The following RPH3A variants were observed in gnomAD, a reference collection of about 807,000 sequenced individuals.
The protein encoded by RPH3A is rabphilin-3A.
In RPH3A, 48 loss-of-function variants were observed where a neutral mutation model predicts 102.2. The ratio of observed to expected loss-of-function variants is 0.47; its 90% CI spans 0.37 to 0.60. The LOEUF is 0.60. Ranked by LOEUF, RPH3A falls within the 20% of genes least tolerant of loss-of-function variation. The probability of loss-of-function intolerance (pLI) is 0.00; values close to 1 mark genes in which losing one functional copy is unlikely to be tolerated. For missense variants in RPH3A, 781 were observed against 910.1 expected, an observed-to-expected ratio of 0.86 and a Z score of 1.83; for synonymous variants, 310 against 324.3, an observed-to-expected ratio of 0.96 and a Z score of 0.47.
chr12:112,631,704 T>G (rs78002440), intron 1 of RPH3A, among the ~76,000 whole-genome samples: 6 of 151,884 alleles, frequency 4.0e-5, no homozygotes, highest in African/African-American at 1.5e-4. Context: ...AATTTTTTTT[T>G]GTAGAGATGG....
chr12:112,788,978 G>A (rs111774774), upstream of RPH3A, among the ~76,000 whole-genome samples: 1 of 152,208 alleles, frequency 6.6e-6, no homozygotes, highest in Non-Finnish European at 1.5e-5. Context: ...GACCAACATG[G>A]CGAAACCCCG....
At chr12:112,609,696 A>G (rs2039623504) in intron 1 of RPH3A, among the ~76,000 whole-genome samples, 1 of 152,114 alleles carries the variant, frequency 6.6e-6, no homozygotes, top group Non-Finnish European at 1.5e-5. Flanking sequence ...TAGAGTCAGC[A>G]CCTGTCAACA....
At position 112,887,823 on chromosome 12, in the gene RPH3A, T is replaced by G; in HGVS notation, c.1463T>G (p.Phe488Cys). 1.2e-6 allele frequency: 2 copies of G among 1,613,844 alleles called. No homozygotes were observed. The highest frequency in any genetic ancestry group is 1.7e-6 in the Non-Finnish European group (2 of 1,179,816). The change falls in exon 17 of 22, where the codon TTT becomes TGT. Residue 488 changes from phenylalanine to cysteine, a missense_variant. Physicochemically the swap from Phe to Cys is radical, Grantham distance 205 (BLOSUM62 -2). This residue lies in a region of RPH3A where 730 missense variants were observed against 810.0 expected (regional missense o/e 0.90). Transcript: ENST00000389385. ...LRISVCDEDK[F>C]GHNEFIGETR... is the part of the protein sequence containing the mutation. ...ATCTCCGTCTGTGATGAGGACAAAT[T>G]TGGCCACAATGAATTTATTGGTGAG...
intron 1 of RPH3A, among the ~76,000 whole-genome samples, chr12:112,590,303 T>C (rs191702263): frequency 6.6e-6 from 1 of 152,284 alleles, no homozygotes; most frequent in South Asian, 2.1e-4. Context: ...TGTGGCTGTT[T>C]CCACTGAGCT....
At chr12:112,846,389 T>C (rs1378605456) in intron 4 of RPH3A, among the ~76,000 whole-genome samples, 1 of 152,150 alleles carries the variant, frequency 6.6e-6, no homozygotes, top group Non-Finnish European at 1.5e-5. Flanking sequence ...TCCACCAGAA[T>C]TTCCCCAGGC....
At chr12:112,809,129 CTG>C (rs1340879281) in intron 2 of RPH3A, among the ~76,000 whole-genome samples, 5 of 152,178 alleles carry the variant, frequency 3.3e-5, no homozygotes, top group Non-Finnish European at 7.3e-5. Flanking sequence ...ATGTTGGCAT[CTG>C]TATAATGGAC....
chr12:112,714,185 A>G (rs2040499248), intron 1 of RPH3A, among the ~76,000 whole-genome samples: 1 of 152,156 alleles, frequency 6.6e-6, no homozygotes, highest in Non-Finnish European at 1.5e-5. Flanking sequence ...CCTCCTAGAT[A>G]TTGCAGACCC....
chr12:112,722,170 C>T (rs1758268816), intron 1 of RPH3A, among the ~76,000 whole-genome samples: 1 of 152,208 alleles, frequency 6.6e-6, no homozygotes, highest in South Asian at 2.1e-4. Context: ...GCTCATTAGG[C>T]TTGGATTTTT....
At chr12:112,865,148 A>G (rs1255715635) in intron 5 of RPH3A, among the ~76,000 whole-genome samples, 4 of 152,202 alleles carry the variant, frequency 2.6e-5, no homozygotes, top group Non-Finnish European at 5.9e-5. Context: ...GTGACAGAAG[A>G]TAGAAAGGAC....
intron 1 of RPH3A, among the ~76,000 whole-genome samples, chr12:112,592,571 G>A (rs763487888): frequency 5.7e-4 from 86 of 152,172 alleles, no homozygotes; most frequent in African/African-American, 1.9e-3. Flanking sequence ...TGCCCGCCTT[G>A]GCCTTCCAAA....
At chr12:112,810,776 C>T (rs1451185845) in intron 2 of RPH3A, among the ~76,000 whole-genome samples, 1 of 152,148 alleles carries the variant, frequency 6.6e-6, no homozygotes, top group Admixed American at 6.5e-5. Flanking sequence ...AAATAGATAA[C>T]AGCCTAAATT....
chr12:112,874,433 A>G (rs1046060302), intron 10 of RPH3A, among the ~76,000 whole-genome samples: 3 of 152,224 alleles, frequency 2.0e-5, no homozygotes, highest in Non-Finnish European at 4.4e-5. Flanking sequence ...ATTAGTAGAA[A>G]TTAAAGAAGT....
intron 1 of RPH3A, among the ~76,000 whole-genome samples, chr12:112,677,539 A>T (rs928174038): frequency 6.9e-6 from 1 of 145,844 alleles, no homozygotes; most frequent in Admixed American, 7.0e-5. Context: ...GCATCAAATG[A>T]TCCACCCGCC....
chr12:112,819,921 T>A (rs769671056), intron 2 of RPH3A, among the ~76,000 whole-genome samples: 4 of 152,364 alleles, frequency 2.6e-5, no homozygotes, highest in Non-Finnish European at 4.4e-5. Context: ...ATGCATCACA[T>A]CTTCTACTGT....
intron 1 of RPH3A, among the ~76,000 whole-genome samples, chr12:112,675,446 C>T (rs2136012204): frequency 6.6e-6 from 1 of 152,288 alleles, no homozygotes; most frequent in African/African-American, 2.4e-5. Flanking sequence ...TTTGGCCAGA[C>T]AACCATATAA....
chr12:112,774,280 G>A (rs2040949350), intron 1 of RPH3A, among the ~76,000 whole-genome samples: 1 of 152,146 alleles, frequency 6.6e-6, no homozygotes, highest in Non-Finnish European at 1.5e-5. Context: ...AGGTTGGAAC[G>A]AATGGGGAAT....
At chr12:112,781,861 T>A (rs73425005) in intron 1 of RPH3A, among the ~76,000 whole-genome samples, 5,364 of 152,360 alleles carry the variant, frequency 0.035, 293 homozygotes, top group African/African-American at 0.12. Context: ...CAGGTCTTCC[T>A]GTTCAAAGAG....
upstream of RPH3A, among the ~76,000 whole-genome samples, chr12:112,790,571 G>C (rs1342817435): frequency 1.3e-5 from 2 of 152,120 alleles, no homozygotes; most frequent in Non-Finnish European, 2.9e-5. Context: ...AGATTTCCTG[G>C]CCTTTTTCCA....
At chr12:112,634,757 T>C (rs1450793336) in intron 1 of RPH3A, among the ~76,000 whole-genome samples, 1 of 152,162 alleles carries the variant, frequency 6.6e-6, no homozygotes, top group Admixed American at 6.5e-5. Context: ...ATGTGGATCC[T>C]CTTTTCCATC....
Sources: allele counts gnomAD v4.1 joint callset (sites outside exome capture counted in the v4.1 genomes callset), GRCh38; gene constraint gnomAD v4.1.1; regional missense constraint gnomAD v4.1.1; transcripts MANE v1.5; gene names NCBI Gene and HGNC (gene_info 2026-07-23, HGNC 2026-07-21).